The following STARD13 variants were observed in gnomAD, a reference collection of about 807,000 sequenced individuals.
The protein encoded by STARD13 is stAR-related lipid transfer protein 13.
Under a neutral mutation model 106.4 loss-of-function variants are expected in STARD13, and 62 were observed. The ratio of observed to expected loss-of-function variants is 0.58; its 90% CI spans 0.48 to 0.72. The LOEUF (loss-of-function observed/expected upper bound fraction) is 0.72, where lower values mean the gene tolerates loss of function less well. Ranked by LOEUF, STARD13 falls within the 30% of genes least tolerant of loss-of-function variation. STARD13 has a pLI of 0.00. For missense variants in STARD13, 1,387 were observed against 1,424.0 expected, an observed-to-expected ratio of 0.97 and a Z score of 0.42; for synonymous variants, 565 against 553.0, an observed-to-expected ratio of 1.02 and a Z score of -0.31.
chr13:33,440,408 C>T, the STARD13 span, among the ~76,000 whole-genome samples: 2 of 152,044 alleles, frequency 1.3e-5, no homozygotes, highest in Non-Finnish European at 2.9e-5. Flanking sequence ...CCAGGCCCTG[C>T]GTCACTGTGT....
At chr13:33,173,200 A>G (rs1884170960) in intron 1 of STARD13, among the ~76,000 whole-genome samples, 1 of 152,230 alleles carries the variant, frequency 6.6e-6, no homozygotes, top group South Asian at 2.1e-4. Flanking sequence ...CTGGCTTAGG[A>G]TAATTTATAT....
intron 13 of STARD13, among the ~76,000 whole-genome samples, 155 bp downstream of exon 13, chr13:33,106,603 G>A (rs1210159643): frequency 3.3e-5 from 5 of 152,174 alleles, no homozygotes; most frequent in African/African-American, 9.7e-5. Context: ...GAAAGACAGA[G>A]GGGAGGCATA....
At chr13:33,560,001 A>C in the STARD13 span, among the ~76,000 whole-genome samples, 2 of 151,576 alleles carry the variant, frequency 1.3e-5, no homozygotes, top group Non-Finnish European at 2.9e-5. Flanking sequence ...TGGAACTATG[A>C]AATATATGCC....
chr13:33,420,474 A>G, the STARD13 span, among the ~76,000 whole-genome samples: 1 of 152,184 alleles, frequency 6.6e-6, no homozygotes, highest in Non-Finnish European at 1.5e-5. Context: ...GAGACCTACA[A>G]AGAGACTTAG....
chr13:33,653,408 C>T, the STARD13 span, among the ~76,000 whole-genome samples: 1 of 152,064 alleles, frequency 6.6e-6, no homozygotes, highest in East Asian at 1.9e-4. Flanking sequence ...GACAAGAATG[C>T]CAATGCTATT....
chr13:33,482,494 A>C, the STARD13 span, among the ~76,000 whole-genome samples: 2 of 152,198 alleles, frequency 1.3e-5, no homozygotes, highest in Non-Finnish European at 1.5e-5. Context: ...CAACAAAAAT[A>C]AGTATATAAA....
chr13:33,170,559 C>CT (rs2138390519), intron 1 of STARD13, among the ~76,000 whole-genome samples: 1 of 152,084 alleles, frequency 6.6e-6, no homozygotes, highest in Non-Finnish European at 1.5e-5. Context: ...TTTTTGTTTG[C>CT]TTTAATGGGC....
At chr13:33,356,632 A>G in the STARD13 span, among the ~76,000 whole-genome samples, 2 of 152,252 alleles carry the variant, frequency 1.3e-5, no homozygotes, top group Non-Finnish European at 2.9e-5. Context: ...GATTTTTGGC[A>G]AGGATCAAAT....
chr13:33,521,076 C>A, the STARD13 span, among the ~76,000 whole-genome samples: 1 of 152,120 alleles, frequency 6.6e-6, no homozygotes, highest in Non-Finnish European at 1.5e-5. Context: ...ACAGTCCTAG[C>A]CCCATGGGAA....
chr13:33,111,313 T>A (rs557668255), intron 10 of STARD13, among the ~76,000 whole-genome samples: 1 of 152,336 alleles, frequency 6.6e-6, no homozygotes, highest in South Asian at 2.1e-4. Flanking sequence ...TTAGCACACT[T>A]TTCCCATTGA....
chr13:33,473,596 C>T, the STARD13 span, among the ~76,000 whole-genome samples: 4 of 152,162 alleles, frequency 2.6e-5, no homozygotes, highest in African/African-American at 9.7e-5. Flanking sequence ...AGACCAAACC[C>T]CTGCTGTTTC....
chr13:33,651,194 C>T, the STARD13 span, among the ~76,000 whole-genome samples: 1 of 152,150 alleles, frequency 6.6e-6, no homozygotes, highest in African/African-American at 2.4e-5. Context: ...GATCTGAGAT[C>T]TGTTCTTCTT....
the STARD13 span, among the ~76,000 whole-genome samples, chr13:33,600,521 A>G: frequency 6.6e-6 from 1 of 152,100 alleles, no homozygotes; most frequent in African/African-American, 2.4e-5. Flanking sequence ...ACACAGAAAC[A>G]CATACATACA....
At chr13:33,482,997 C>T in the STARD13 span, among the ~76,000 whole-genome samples, 3 of 152,286 alleles carry the variant, frequency 2.0e-5, no homozygotes, top group South Asian at 6.2e-4. Context: ...TGGGGACACC[C>T]TGGACCACCC....
At chr13:33,318,238 C>A (rs1012668070) in intron 1 of STARD13, among the ~76,000 whole-genome samples, 13 of 152,172 alleles carry the variant, frequency 8.5e-5, no homozygotes, top group African/African-American at 3.1e-4. Context: ...AACAAACTTA[C>A]AATTGACTCA....
intron 1 of STARD13, chr13:33,206,146 C>T (rs931012761): frequency 3.1e-4 from 106 of 337,556 alleles, no homozygotes; most frequent in Non-Finnish European, 4.1e-4. Flanking sequence ...CTGGCTCTGC[C>T]GCTCTGGCAC....
At chr13:33,242,511 C>T (rs552834715) in intron 1 of STARD13, among the ~76,000 whole-genome samples, 8 of 152,124 alleles carry the variant, frequency 5.3e-5, no homozygotes, top group Admixed American at 1.3e-4. Flanking sequence ...GGATTAAGGG[C>T]GGTGCAAGAC....
chr13:33,185,611 A>G (rs1885681440), intron 1 of STARD13, among the ~76,000 whole-genome samples: 2 of 152,144 alleles, frequency 1.3e-5, no homozygotes. Context: ...TAAACAACTC[A>G]AAGTTTCCTA....
chr13:33,222,025 T>A (rs1306367183), intron 1 of STARD13, among the ~76,000 whole-genome samples: 1 of 152,084 alleles, frequency 6.6e-6, no homozygotes, highest in Admixed American at 6.5e-5. Flanking sequence ...GGTGCACACC[T>A]GCAGTCCTAG....
Sources: allele counts gnomAD v4.1 joint callset (sites outside exome capture counted in the v4.1 genomes callset), GRCh38; gene constraint gnomAD v4.1.1; transcripts MANE v1.5; gene names NCBI Gene and HGNC (gene_info 2026-07-23, HGNC 2026-07-21).